Variants in PARVB observed in about 807,000 individuals in gnomAD.
The protein encoded by PARVB is beta-parvin.
A neutral mutation model predicts 47.0 loss-of-function variants in PARVB; 46 were observed. That is an observed-to-expected ratio of 0.98 (90% CI 0.77 to 1.25). The LOEUF (loss-of-function observed/expected upper bound fraction) is 1.25. Among genes scored for constraint, PARVB ranks in the 50% most tolerant of loss-of-function variants. The probability of loss-of-function intolerance (pLI) is 0.00; values close to 1 mark genes in which losing one functional copy is unlikely to be tolerated. For missense variants in PARVB, 473 were observed against 471.6 expected (o/e 1.00, Z -0.03); for synonymous variants, 196 against 196.3 (o/e 1.00, Z 0.01).
At chr22:44,161,254 C>G (rs566249898) in intron 11 of PARVB, among the ~76,000 whole-genome samples, 92 of 150,268 alleles carry the variant, frequency 6.1e-4, no homozygotes, top group African/African-American at 2.1e-3. Flanking sequence ...GGCACAGATT[C>G]TACGTTTCAG....
At chr22:44,098,004 CAG>C (rs150084934) in intron 2 of PARVB, among the ~76,000 whole-genome samples, 11,950 of 152,176 alleles carry the variant, frequency 0.079, 475 homozygotes, top group Middle Eastern at 0.12. Context: ...GACGTGGGCT[CAG>C]AGCCTTCAGG....
chr22:44,115,402 A>G (rs2052857456), intron 3 of PARVB: 1 of 115,988 alleles, frequency 8.6e-6, no homozygotes, highest in Admixed American at 8.0e-5. Context: ...AGCAACACAG[A>G]TACATTGTTA....
At position 44,081,940 on chromosome 22, in the gene PARVB, G is replaced by GA. The variant is rs374826751; in HGVS notation, c.113-11987dup. ...GGAAGTACCCCCTGAAAGCCAGCGT[G>GA]ATGGGTTGGAGAAATGTGACAGACG... On this transcript the variant is annotated intron_variant, in intron 1 of 12. Transcript: ENST00000338758. 5.9e-5 allele frequency among the ~76,000 whole-genome samples: 9 copies of GA among 152,370 alleles called. 1 individual carries two copies. Among genetic ancestry groups the GA allele is most frequent in the African/African-American group, 1.7e-4 (7 of 41,590 alleles).
chr22:44,078,656 A>G (rs1403759750), intron 1 of PARVB, among the ~76,000 whole-genome samples: 1 of 152,190 alleles, frequency 6.6e-6, no homozygotes, highest in Non-Finnish European at 1.5e-5. Context: ...CTTGATGTGA[A>G]CATCTTTGCA....
chr22:44,034,706 CTTT>C (rs34429203), intron 1 of PARVB, among the ~76,000 whole-genome samples: 7 of 107,564 alleles, frequency 6.5e-5, no homozygotes, highest in Middle Eastern at 5.2e-3. Context: ...CCACGTGTAA[CTTT>C]TTTTTTTTTT....
chr22:44,071,132 T>TC (rs2051646210), intron 1 of PARVB, among the ~76,000 whole-genome samples: 1 of 151,972 alleles, frequency 6.6e-6, no homozygotes, highest in Non-Finnish European at 1.5e-5. Context: ...GAGCGCTCTG[T>TC]CCCCTCCCCT....
chr22:44,148,397 A>C, intron 9 of PARVB: 1 of 193,994 alleles, frequency 5.2e-6, no homozygotes, highest in Non-Finnish European at 1.1e-5. Context: ...TGGATGGAAA[A>C]ATCTCCGAGG....
intron 4 of PARVB, among the ~76,000 whole-genome samples, chr22:44,126,593 G>A (rs1039895473): frequency 7.2e-5 from 11 of 152,168 alleles, no homozygotes; most frequent in African/African-American, 2.7e-4. Flanking sequence ...TGAGTGGCTG[G>A]TTATGGTAGA....
At chr22:44,027,939 A>ATT (rs1555893500) in intron 1 of PARVB, among the ~76,000 whole-genome samples, 1 of 143,846 alleles carries the variant, frequency 7.0e-6, no homozygotes, top group Non-Finnish European at 1.5e-5. Context: ...ATATATATAT[A>ATT]TTCATGTGTG....
At chr22:44,072,065 C>T (rs2051667239) in intron 1 of PARVB, among the ~76,000 whole-genome samples, 1 of 152,198 alleles carries the variant, frequency 6.6e-6, no homozygotes, top group Admixed American at 6.5e-5. Context: ...CTGTGACTGC[C>T]CCACGTCTGT....
intron 1 of PARVB, among the ~76,000 whole-genome samples, chr22:44,026,583 C>T (rs544500426): frequency 8.8e-4 from 134 of 152,296 alleles, no homozygotes; most frequent in Non-Finnish European, 1.0e-4. Context: ...CTGGTATTTC[C>T]GCAAGCCCAT....
chr22:44,158,204 C>A (rs933224268), intron 11 of PARVB, 121 bp downstream of exon 11: 11 of 647,964 alleles, frequency 1.7e-5, no homozygotes, highest in Non-Finnish European at 3.0e-5. Flanking sequence ...GTAAAAAATG[C>A]ACAAGTGATA....
At position 44,068,852 on chromosome 22, in the gene PARVB, C is replaced by T. The variant is rs1199265682; in HGVS notation, c.113-25076C>T. 6.6e-6 allele frequency among the ~76,000 whole-genome samples: 1 copy of T among 152,214 alleles called. No individual in the cohort carries two copies. Among genetic ancestry groups the T allele is most frequent in the African/African-American group, 2.4e-5 (1 of 41,454 alleles). ...AGCCCAGGGGCCTGGGCGCGCCCTT[C>T]CTTCCTTCTTTGTGCATGGGGGTTT... On this transcript the variant is annotated intron_variant, in intron 1 of 12. Coordinates refer to ENST00000338758, the MANE Select transcript of PARVB (RefSeq NM_013327.5). This position sits in a 1 kb window ranked among gnomAD's most constrained non-coding sequence, Gnocchi z 4.1.
At chr22:44,011,035 AG>A (rs2050516960) in intron 2 of PARVB, among the ~76,000 whole-genome samples, 1 of 151,996 alleles carries the variant, frequency 6.6e-6, no homozygotes, top group Non-Finnish European at 1.5e-5. Flanking sequence ...TGTGTTAGCC[AG>A]GATGGTCTCG....
At chr22:44,136,333 C>A in intron 6 of PARVB, 127 bp from the exon 7 acceptor site, 1 of 836,380 alleles carries the variant, frequency 1.2e-6, no homozygotes, top group South Asian at 1.5e-5. Flanking sequence ...TGTTCAACAC[C>A]ACCCCTCCTT....
intron 2 of PARVB, among the ~76,000 whole-genome samples, chr22:44,018,263 T>A (rs754064599): frequency 1.3e-5 from 2 of 151,782 alleles, no homozygotes; most frequent in Non-Finnish European, 2.9e-5. Context: ...TTAGCTGGGT[T>A]TGGTGGTGGG....
intron 1 of PARVB, among the ~76,000 whole-genome samples, chr22:44,051,356 G>A (rs1428841038): frequency 2.0e-5 from 3 of 152,110 alleles, no homozygotes; most frequent in Non-Finnish European, 4.4e-5. Flanking sequence ...GGGACTGTTC[G>A]GCTGGCCACA....
intron 1 of PARVB, chr22:44,081,706 C>T (rs1400190486): frequency 1.7e-5 from 13 of 745,602 alleles, no homozygotes; most frequent in African/African-American, 7.6e-5. Flanking sequence ...CCCCCCGCCT[C>T]GGTGGGGCTC....
chr22:43,999,227 T>C (rs929557806), exon 1 of PARVB: 4 of 812,636 alleles, frequency 4.9e-6, no homozygotes, highest in Non-Finnish European at 7.7e-6. Flanking sequence ...CCCTACACTT[T>C]GACGTCCTCC....
Sources: allele counts gnomAD v4.1 joint callset (sites outside exome capture counted in the v4.1 genomes callset), GRCh38; gene constraint gnomAD v4.1.1; non-coding constraint Gnocchi (gnomAD v3.1); transcripts MANE v1.5; gene names NCBI Gene and HGNC (gene_info 2026-07-23, HGNC 2026-07-21).